The following MDGA2 variants were observed in gnomAD, a reference collection of about 807,000 sequenced individuals.
The protein encoded by MDGA2 is MAM domain-containing glycosylphosphatidylinositol anchor protein 2.
MDGA2 carries 40 observed loss-of-function variants against 117.8 expected under a neutral mutation model. The observed-to-expected ratio is 0.34, with a 90% confidence interval of 0.26 to 0.44. The LOEUF (loss-of-function observed/expected upper bound fraction) is 0.44, where lower values mean the gene tolerates loss of function less well. Ranked by LOEUF, MDGA2 falls within the 20% of genes least tolerant of loss-of-function variation. MDGA2 has a pLI of 1.00. For synonymous variants in MDGA2, 452 were observed against 439.0 expected, an observed-to-expected ratio of 1.03 and a Z score of -0.37; for missense variants, 1,123 against 1,250.6, an observed-to-expected ratio of 0.90 and a Z score of 1.54.
chr14:46,873,340 G>T, intron 14 of MDGA2, 93 bp downstream of exon 14: 1 of 1,172,580 alleles, frequency 8.5e-7, no homozygotes, highest in Non-Finnish European at 1.1e-6. Flanking sequence ...AGCATTCTTT[G>T]ACCAAAAATT....
At chr14:47,178,641 C>T (rs1185763594) in intron 3 of MDGA2, among the ~76,000 whole-genome samples, 1 of 152,106 alleles carries the variant, frequency 6.6e-6, no homozygotes, top group Admixed American at 6.6e-5. Flanking sequence ...TTTGGAATAA[C>T]TCACAATTCA....
rs575331554 is a variant in MDGA2, at chr14:46,949,728, C to T, written c.2089+7646G>A. On this transcript the variant is annotated intron_variant, in intron 9 of 16. Coordinates refer to ENST00000399232, the MANE Select transcript of MDGA2 (RefSeq NM_001113498.3). ...CTATATAGTATTCCTCATATATATA[C>T]CACATTTTTTAATTAAGTCACCTAT... is the stretch of plus-strand genomic sequence containing the variant. 1.3e-4 allele frequency among the ~76,000 whole-genome samples: 19 copies of T among 151,966 alleles called. No individual in the cohort carries two copies. In the South Asian group the frequency reaches 2.5e-3, roughly 20 times the overall value.
In MDGA2 at chr14:47,551,813, C is replaced by T. The variant is rs567461704; in HGVS notation, c.280+122704G>A. ...AATTTTTTTTTTCATGTAATACTTA[C>T]GAGGTACAAATCAATTCCCATTTGT... On this transcript the variant is annotated intron_variant, in intron 1 of 16. Coordinates refer to ENST00000399232, the MANE Select transcript of MDGA2 (RefSeq NM_001113498.3). 2.6e-4 allele frequency among the ~76,000 whole-genome samples: 39 copies of T among 151,958 alleles called. 1 individual carries two copies. The highest frequency in any genetic ancestry group is 4.6e-4 in the Non-Finnish European group (31 of 67,970).
At chr14:47,608,652 T>C (rs1269517079) in intron 1 of MDGA2, among the ~76,000 whole-genome samples, 1 of 152,136 alleles carries the variant, frequency 6.6e-6, no homozygotes, top group Non-Finnish European at 1.5e-5. Context: ...TAAAGATCTT[T>C]GGCTTTTCTC....
chr14:47,593,139 G>A (rs777607922), intron 1 of MDGA2, among the ~76,000 whole-genome samples: 21 of 152,104 alleles, frequency 1.4e-4, no homozygotes, highest in Admixed American at 3.9e-4. Flanking sequence ...AAAGTTCAAC[G>A]TCGCTAATTA....
At chr14:47,117,140 G>C in intron 5 of MDGA2, among the ~76,000 whole-genome samples, 1 of 152,058 alleles carries the variant, frequency 6.6e-6, no homozygotes, top group East Asian at 1.9e-4. Context: ...CACACAAATG[G>C]ATAAGTATAT....
At chr14:47,338,872 C>G (rs189082272) in intron 1 of MDGA2, among the ~76,000 whole-genome samples, 144 of 152,184 alleles carry the variant, frequency 9.5e-4, no homozygotes, top group Admixed American at 1.5e-3. Flanking sequence ...TGATGTTAAG[C>G]AACATTAAGG....
In MDGA2 at chr14:47,499,132, C is replaced by T. The variant is rs1050372726; in HGVS notation, c.280+175385G>A. ...CAAAGGTGTGTGTTCATTTTTTAGGCGTATTTCTTCCTAATTATTTCAGCT... is the reference window on the plus strand; with the variant it reads ...CAAAGGTGTGTGTTCATTTTTTAGGTGTATTTCTTCCTAATTATTTCAGCT... On this transcript the variant is annotated intron_variant, in intron 1 of 16. Transcript: ENST00000399232. 5.9e-5 allele frequency among the ~76,000 whole-genome samples: 9 copies of T among 151,924 alleles called. No homozygotes were observed. The East Asian group carries it at 9.6e-4, about 16-fold the overall frequency.
intron 1 of MDGA2, among the ~76,000 whole-genome samples, chr14:47,358,953 A>T (rs1891053067): frequency 6.6e-6 from 1 of 152,210 alleles, no homozygotes. Context: ...ACTTAAACAA[A>T]CAAACAAAAA....
intron 1 of MDGA2, among the ~76,000 whole-genome samples, chr14:47,575,655 G>T (rs1274926704): frequency 1.3e-5 from 2 of 152,132 alleles, no homozygotes; most frequent in Admixed American, 6.6e-5. Flanking sequence ...AGGACAAGAA[G>T]TAATGTTTAG....
At position 46,938,774 on chromosome 14, in the gene MDGA2, G is replaced by A. The variant is rs183959626; in HGVS notation, c.2089+18600C>T. Among the ~76,000 whole-genome samples, 144 of 151,974 alleles carry A rather than the reference G, an allele frequency of 9.5e-4. 1 individual carries two copies. In the Middle Eastern group the frequency reaches 0.017, roughly 18 times the overall value. ...ATCCCTCTACTGATATTTATCCAAAGGGAAGGAAATCAGTACAGTACAGAG... is the reference window on the plus strand; with the variant it reads ...ATCCCTCTACTGATATTTATCCAAAAGGAAGGAAATCAGTACAGTACAGAG... On this transcript the variant is annotated intron_variant, in intron 9 of 16. Transcript: ENST00000399232.
At chr14:47,078,623 A>G (rs1009458984) in intron 6 of MDGA2, among the ~76,000 whole-genome samples, 1 of 152,230 alleles carries the variant, frequency 6.6e-6, no homozygotes, top group African/African-American at 2.4e-5. Flanking sequence ...AAAAACTGAG[A>G]TAACTTCATT....
chr14:47,354,258 C>A (rs767066803), intron 1 of MDGA2, among the ~76,000 whole-genome samples: 4 of 152,188 alleles, frequency 2.6e-5, no homozygotes, highest in Non-Finnish European at 5.9e-5. Flanking sequence ...TGCCCATTCT[C>A]ACCTCTTCTA....
intron 1 of MDGA2, among the ~76,000 whole-genome samples, chr14:47,673,627 C>G (rs1898114789): frequency 1.3e-5 from 1 of 75,550 alleles, no homozygotes; most frequent in Non-Finnish European, 2.7e-5. Flanking sequence ...TTAACTATGA[C>G]CTGGATGTGT....
intron 12 of MDGA2, 57 bp from the exon 13 acceptor site, chr14:46,874,257 A>G (rs543654638): frequency 2.3e-6 from 2 of 870,200 alleles, no homozygotes; most frequent in South Asian, 4.5e-5. Context: ...ATACTGCAAT[A>G]TTTTCATAAG....
chr14:47,420,419 A>G (rs990267569), intron 1 of MDGA2, among the ~76,000 whole-genome samples: 1 of 152,292 alleles, frequency 6.6e-6, no homozygotes, highest in African/African-American at 2.4e-5. Context: ...TTTATTTGGG[A>G]AAATCTTACA....
intron 1 of MDGA2, among the ~76,000 whole-genome samples, chr14:47,580,264 G>T (rs1023049870): frequency 6.6e-5 from 10 of 152,014 alleles, no homozygotes; most frequent in African/African-American, 2.4e-4. Context: ...TCAGTGTCTT[G>T]TGAGGGCCCA....
At chr14:46,978,883 T>C (rs2138369777) in intron 8 of MDGA2, among the ~76,000 whole-genome samples, 1 of 152,300 alleles carries the variant, frequency 6.6e-6, no homozygotes, top group East Asian at 1.9e-4. Context: ...ACTTTCAATA[T>C]ATAGATGAAT....
At chr14:47,035,963 C>T (rs1360653294) in intron 7 of MDGA2, among the ~76,000 whole-genome samples, 1 of 151,918 alleles carries the variant, frequency 6.6e-6, no homozygotes, top group Non-Finnish European at 1.5e-5. Flanking sequence ...AAATATATTT[C>T]AACGAATATA....
Sources: gnomAD v4.1 joint callset for allele counts (sites outside exome capture counted in the v4.1 genomes callset) on GRCh38, gnomAD v4.1.1 for gene constraint, MANE v1.5 for transcripts, NCBI Gene and HGNC (gene_info 2026-07-23, HGNC 2026-07-21) for gene names.